Variants in TG observed in about 807,000 individuals in gnomAD.
TG encodes thyroid hormones.
TG carries 270 observed loss-of-function variants against 324.7 expected under a neutral mutation model. The observed-to-expected ratio is 0.83, with a 90% CI of 0.75 to 0.92. The LOEUF (loss-of-function observed/expected upper bound fraction) is 0.92, where lower values mean the gene tolerates loss of function less well. Among genes scored for constraint, TG ranks in the 40% least tolerant of loss-of-function variants. TG has a pLI of 0.00. For synonymous variants in TG, 1,401 were observed against 1,327.0 expected (o/e 1.06, Z -1.21); for missense variants, 3,591 against 3,456.4 (o/e 1.04, Z -0.98).
chr8:132,930,866 A>G (rs1822611052), intron 23 of TG, among the ~76,000 whole-genome samples: 1 of 152,170 alleles, frequency 6.6e-6, no homozygotes, highest in African/African-American at 2.4e-5. Flanking sequence ...AACAGTTAGA[A>G]AAAAGAGAGC....
chr8:133,039,016 T>C (rs60829138), intron 41 of TG, among the ~76,000 whole-genome samples: 1,557 of 152,250 alleles, frequency 0.01, 26 homozygotes, highest in African/African-American at 0.035. Flanking sequence ...TAGCTGGGAT[T>C]ACAACCATCC....
Position 133,060,275 on chromosome 8 carries a change from G to A in TG, c.7239+30252G>A, listed in dbSNP as rs984371098. ...CAAGTGGAGAATGACCCAGTTTAGA[G>A]AGCATCGTGCATCATTTTTCTGGCA... is the stretch of plus-strand genomic sequence containing the variant. On this transcript the variant is annotated intron_variant, in intron 41 of 47. Transcript: ENST00000220616. 7 of 1,598,922 alleles carry A rather than the reference G, an allele frequency of 4.4e-6. No individual in the cohort carries two copies. In the African/African-American group the frequency reaches 5.4e-5, roughly 12 times the overall value.
At chr8:133,049,021 C>T in intron 41 of TG, 1 of 364,374 alleles carries the variant, frequency 2.7e-6, no homozygotes, top group South Asian at 1.9e-5. Flanking sequence ...ATTTCTTTGC[C>T]AACTTCCAGC....
chr8:133,001,284 C>T (rs947621649), intron 35 of TG, among the ~76,000 whole-genome samples: 20 of 152,086 alleles, frequency 1.3e-4, no homozygotes, highest in African/African-American at 4.1e-4. Context: ...CACTGAGATG[C>T]GGAGTCGAAG....
At chr8:133,083,210 G>A (rs1385458746) in intron 41 of TG, among the ~76,000 whole-genome samples, 2 of 152,080 alleles carry the variant, frequency 1.3e-5, no homozygotes, top group Non-Finnish European at 2.9e-5. Flanking sequence ...TTTATTATTG[G>A]TAATACTTTA....
Position 132,923,611 on chromosome 8 carries a change from C to T in TG, c.4699+103C>T, listed in dbSNP as rs538130090. 5.3e-4 allele frequency: 736 copies of T among 1,385,462 alleles called. 2 individuals carry two copies. Among genetic ancestry groups the T allele is most frequent in the Non-Finnish European group, 6.5e-4 (672 of 1,034,384 alleles). 85.8% of individuals were successfully genotyped at this position (1,385,462 alleles called of 1,614,324 possible). On this transcript the variant is annotated intron_variant, in intron 22 of 47. Transcript: ENST00000220616. The stretch of plus-strand genomic sequence containing the variant: ...AAGCTGGAGGTGCATTTGTCTCCAA[C>T]TTTTTGTTTTGAAAAATTTTAATCT...
At chr8:132,879,147 A>G (rs1322758836) in intron 5 of TG, among the ~76,000 whole-genome samples, 1 of 152,268 alleles carries the variant, frequency 6.6e-6, no homozygotes, top group Non-Finnish European at 1.5e-5. Flanking sequence ...AAATGCATAG[A>G]TGGTGATATC....
intron 11 of TG, 72 bp downstream of exon 11, chr8:132,894,001 C>T: frequency 6.2e-7 from 1 of 1,609,192 alleles, no homozygotes; most frequent in South Asian, 1.1e-5. Flanking sequence ...CGTCTCTCCT[C>T]AGTCATCCTT....
chr8:132,983,431 T>C lies in TG; in HGVS notation c.6262+19T>C. 6.2e-7 allele frequency: 1 copy of C among 1,610,920 alleles called. No homozygotes were observed. The highest frequency in any genetic ancestry group is 8.5e-7 in the Non-Finnish European group (1 of 1,177,000). On this transcript the variant is annotated intron_variant, in intron 35 of 47. Coordinates refer to ENST00000220616, the MANE Select transcript of TG (RefSeq NM_003235.5). ...GAGAAAGGTAAGTTCATTGTCTTTT[T>C]ATCTCTTGGATGAGAGTACCCCCTC...
chr8:133,024,885 C>T (rs568919500), intron 40 of TG, among the ~76,000 whole-genome samples: 2 of 151,400 alleles, frequency 1.3e-5, no homozygotes, highest in East Asian at 3.9e-4. Flanking sequence ...GTGCATGTGT[C>T]TTTATCGTAG....
intron 6 of TG, 123 bp from the exon 7 acceptor site, chr8:132,882,346 G>C (rs1814763101): frequency 3.4e-6 from 4 of 1,181,654 alleles, no homozygotes; most frequent in Non-Finnish European, 5.1e-6. Context: ...TTAAAGTGTT[G>C]TTCAGACTTA....
At chr8:133,017,735 G>C (rs1188904805) in intron 37 of TG, 43 bp from the exon 38 acceptor site, 4 of 1,544,794 alleles carry the variant, frequency 2.6e-6, no homozygotes, top group Non-Finnish European at 3.6e-6. Context: ...ACTCACTGAG[G>C]CCTCTCCCCT....
chr8:133,056,215 C>T (rs907318615), intron 41 of TG, among the ~76,000 whole-genome samples: 2 of 152,130 alleles, frequency 1.3e-5, no homozygotes, highest in Admixed American at 6.5e-5. Context: ...AATGTGACAT[C>T]GTGGATTTCT....
At chr8:133,038,190 A>G (rs1344095287) in intron 41 of TG, 3 of 331,468 alleles carry the variant, frequency 9.1e-6, no homozygotes, top group African/African-American at 2.2e-5. Context: ...AGTTCCTTGG[A>G]GAGCAGTCCT....
Position 132,960,999 on chromosome 8 carries a change from C to G in TG, c.5402-9C>G. 1.2e-6 allele frequency: 2 copies of G among 1,613,854 alleles called. No homozygotes were observed. The highest frequency in any genetic ancestry group is 8.5e-7 in the Non-Finnish European group (1 of 1,179,796). On this transcript the variant is annotated splice_polypyrimidine_tract_variant and intron_variant, in intron 27 of 47. Transcript: ENST00000220616. ...TCAAGCTCATAAAAATAAACATCTT[C>G]CTTTGCAGGTCTGACACCCTTAGAA...
At chr8:133,101,051 C>T (rs1037039156) in intron 43 of TG, among the ~76,000 whole-genome samples, 7 of 152,256 alleles carry the variant, frequency 4.6e-5, no homozygotes, top group East Asian at 1.9e-4. Flanking sequence ...GTCTCCACTG[C>T]AGGTCTCTGA....
intron 3 of TG, among the ~76,000 whole-genome samples, chr8:132,870,128 ATGAGTGCCTTCTCACCCGTGGTG>A (rs1241021047): frequency 2.0e-5 from 3 of 152,094 alleles, no homozygotes; most frequent in African/African-American, 7.2e-5. Flanking sequence ...CCAGAAAAAT[ATGAGTGCCTTCTCACCCGTGGTG>A]TGAGGAGTTT....
rs61740824 is a variant in TG at position 133,013,646 on chromosome 8, A to G, written c.6444A>G (p.Gln2148=). The G allele has an allele frequency of 1.9e-5, 31 of 1,614,204 alleles. No homozygotes were observed. The South Asian group carries it at 3.1e-4, about 16-fold the overall frequency. ...GTCTCATCACCACTCTGCAAACCCA[A>G]CCTGGGGCTGTGAGATGTATGTTCT... ...EACLITTLQT[Q]PGAVRCMFYA... Residue 2148 remains glutamine, a synonymous_variant, in exon 37 of 48, where the codon CAA becomes CAG. Coordinates refer to ENST00000220616, the MANE Select transcript of TG (RefSeq NM_003235.5).
chr8:132,954,724 C>T (rs1826598644), intron 27 of TG, among the ~76,000 whole-genome samples: 1 of 152,332 alleles, frequency 6.6e-6, no homozygotes. Flanking sequence ...TTCCACTCAT[C>T]ATCTAAGACC....
Sources: gnomAD v4.1 joint callset for allele counts (sites outside exome capture counted in the v4.1 genomes callset) on GRCh38, gnomAD v4.1.1 for gene constraint, MANE v1.5 for transcripts, NCBI Gene and HGNC (gene_info 2026-07-23, HGNC 2026-07-21) for gene names.